The following ASCC3 variants were observed in gnomAD, a reference collection of about 807,000 sequenced individuals.
ASCC3 encodes the protein ASC-1 complex subunit P200.
In ASCC3, 158 loss-of-function variants were observed where a neutral mutation model predicts 256.3. The observed-to-expected ratio is 0.62, with a 90% CI of 0.54 to 0.70. ASCC3 has a LOEUF of 0.70. Ranked by LOEUF, ASCC3 falls within the 30% of genes least tolerant of loss-of-function variation. The pLI, the probability that ASCC3 is intolerant of heterozygous loss-of-function variation, is 0.00. For synonymous variants in ASCC3, 948 were observed against 883.4 expected, an observed-to-expected ratio of 1.07 and a Z score of -1.30; for missense variants, 2,259 against 2,626.0, an observed-to-expected ratio of 0.86 and a Z score of 3.05.
intron 4 of ASCC3, among the ~76,000 whole-genome samples, chr6:100,806,261 A>C (rs776373593): frequency 1.9e-4 from 29 of 151,964 alleles, no homozygotes; most frequent in Non-Finnish European, 3.5e-4. Context: ...TACAACTACT[A>C]TACAACAGTG....
intron 17 of ASCC3, among the ~76,000 whole-genome samples, chr6:100,653,133 T>C (rs1775751237): frequency 6.6e-6 from 1 of 152,156 alleles, no homozygotes; most frequent in Admixed American, 6.5e-5. Flanking sequence ...TACCAATATT[T>C]TGGAATCTAA....
chr6:100,625,272 G>A lies in ASCC3; in HGVS notation c.4705C>T (p.Arg1569Cys), dbSNP rs756345826. The A allele has an allele frequency of 3.7e-6, 6 of 1,612,808 alleles. No homozygotes were observed. Among genetic ancestry groups the A allele is most frequent in the African/African-American group, 1.3e-5 (1 of 74,824 alleles). Residue 1569 changes from arginine to cysteine, a missense_variant, in exon 30 of 42, where the codon CGT becomes TGT. Arg to Cys is a radical substitution (Grantham distance 180). Transcript: ENST00000369162. ...GCGATCAATTCCAAAGCAGTAAGACGAGTTTGACGTCTTGATGAGACAAAT... is the reference window on the plus strand; with the variant it reads ...GCGATCAATTCCAAAGCAGTAAGACAAGTTTGACGTCTTGATGAGACAAAT... The part of the protein sequence containing the change: ...LIFVSSRRQT[R>C]LTALELIAFL...
At chr6:100,529,909 C>T (rs527535673) in intron 37 of ASCC3, among the ~76,000 whole-genome samples, 25 of 151,584 alleles carry the variant, frequency 1.6e-4, no homozygotes, top group African/African-American at 5.3e-4. Context: ...GGGCCTGATA[C>T]GAAGAAAGCC....
intron 39 of ASCC3, 107 bp from the exon 40 acceptor site, chr6:100,513,025 G>T: frequency 1.0e-6 from 1 of 979,512 alleles, no homozygotes; most frequent in South Asian, 1.5e-5. Flanking sequence ...TTAATGTTGA[G>T]ATTAATTCTA....
At position 100,766,551 on chromosome 6, in the gene ASCC3, G is replaced by A; in HGVS notation, c.1737+14C>T. 2 of 1,613,618 alleles carry A rather than the reference G, an allele frequency of 1.2e-6. No individual in the cohort carries two copies. The highest frequency in any genetic ancestry group is 1.7e-6 in the Non-Finnish European group (2 of 1,179,680). ...AGAATGGTATTAAACAAAAAATCTA[G>A]GTAAACAACATACCTGAGTTCGTAA... On this transcript the variant is annotated intron_variant, in intron 10 of 41. Coordinates refer to ENST00000369162, the MANE Select transcript of ASCC3 (RefSeq NM_006828.4).
chr6:100,824,667 A>G (rs1232551632), intron 4 of ASCC3, among the ~76,000 whole-genome samples: 4 of 152,028 alleles, frequency 2.6e-5, no homozygotes, highest in Non-Finnish European at 5.9e-5. Flanking sequence ...TGATATATAA[A>G]CTAGAAGACA....
chr6:100,679,566 C>T (rs1187764840), intron 14 of ASCC3, 52 bp downstream of exon 14: 24 of 1,608,706 alleles, frequency 1.5e-5, no homozygotes, highest in Middle Eastern at 1.6e-4. Flanking sequence ...ATAAAATACC[C>T]GGGATATGTG....
At chr6:100,523,710 A>AT (rs1774419426) in intron 37 of ASCC3, among the ~76,000 whole-genome samples, 2 of 152,234 alleles carry the variant, frequency 1.3e-5, no homozygotes, top group Middle Eastern at 3.4e-3. Context: ...ATTCAACCAC[A>AT]TTTTTACAGT....
intron 3 of ASCC3, among the ~76,000 whole-genome samples, chr6:100,855,873 TAGAAG>T (rs1484039261): frequency 3.3e-5 from 5 of 152,170 alleles, no homozygotes; most frequent in African/African-American, 4.8e-5. Context: ...AACCATATTA[TAGAAG>T]AGAAAAGAGG....
intron 37 of ASCC3, among the ~76,000 whole-genome samples, chr6:100,525,156 C>CAAAAAAAAAAAAAAAAAAAAAAAAAAAA (rs57882047): frequency 6.2e-4 from 28 of 44,944 alleles, no homozygotes; most frequent in East Asian, 6.5e-4. Context: ...GACCCTGTCT[C>CAAAAAAAAAAAAAAAAAAAAAAAAAAAA]AAAAAAAAAA....
chr6:100,546,937 T>TC (rs1768998470), intron 36 of ASCC3, among the ~76,000 whole-genome samples: 2 of 151,632 alleles, frequency 1.3e-5, no homozygotes, highest in South Asian at 4.2e-4. Context: ...AAGAAGATAA[T>TC]TTTTTTTTGA....
intron 1 of ASCC3, among the ~76,000 whole-genome samples, chr6:100,875,691 T>A (rs1773966419): frequency 6.6e-6 from 1 of 151,314 alleles, no homozygotes; most frequent in Admixed American, 6.6e-5. Flanking sequence ...TCAGTTGTCA[T>A]ATGGAAAAGT....
chr6:100,600,559 C>G (rs1772554028), intron 34 of ASCC3, among the ~76,000 whole-genome samples: 1 of 152,234 alleles, frequency 6.6e-6, no homozygotes, highest in Non-Finnish European at 1.5e-5. Context: ...TCTCAAACTC[C>G]TATCTAAGTA....
At chr6:100,742,590 G>A (rs542714510) in intron 10 of ASCC3, among the ~76,000 whole-genome samples, 38 of 152,302 alleles carry the variant, frequency 2.5e-4, no homozygotes, top group African/African-American at 8.9e-4. Flanking sequence ...CCCACAGGGA[G>A]GTACTGCCCA....
chr6:100,672,123 T>C (rs1776782520), intron 14 of ASCC3, among the ~76,000 whole-genome samples: 1 of 152,070 alleles, frequency 6.6e-6, no homozygotes, highest in Non-Finnish European at 1.5e-5. Flanking sequence ...TCTAACACCA[T>C]GGGTCTAGAT....
rs536857362 is a variant in ASCC3 at position 100,533,280 on chromosome 6, T to C, written c.5775+6883A>G. On this transcript the variant is annotated intron_variant, in intron 37 of 41. Coordinates refer to ENST00000369162, the MANE Select transcript of ASCC3 (RefSeq NM_006828.4). ...AGCATTTATAATTACTGTGTAATTA[T>C]AAACAAAAATACATAAAGCTTTGAA... Among the ~76,000 whole-genome samples the C allele has an allele frequency of 2.6e-5, 4 of 152,302 alleles. No individual in the cohort carries two copies. In the South Asian group the frequency reaches 8.3e-4, roughly 32 times the overall value.
chr6:100,609,333 C>T (rs1465055521), intron 30 of ASCC3, among the ~76,000 whole-genome samples: 1 of 151,784 alleles, frequency 6.6e-6, no homozygotes, highest in African/African-American at 2.4e-5. Context: ...ATTATTCTAG[C>T]AATATAGGTT....
intron 8 of ASCC3, among the ~76,000 whole-genome samples, chr6:100,775,684 A>C (rs1388843976): frequency 6.6e-6 from 1 of 152,074 alleles, no homozygotes; most frequent in Non-Finnish European, 1.5e-5. Context: ...AAACCCTCCA[A>C]AACTTCCTAA....
Position 100,798,732 on chromosome 6 carries a change from T to C in ASCC3, c.1376A>G (p.Tyr459Cys). 6.2e-7 allele frequency: 1 copy of C among 1,612,868 alleles called. No homozygotes were observed. Among genetic ancestry groups the C allele is most frequent in the Non-Finnish European group, 8.5e-7 (1 of 1,179,398 alleles). ...MPLSFEEKPVYIQDLDEIGQL... is the reference protein window; with the variant it reads ...MPLSFEEKPVCIQDLDEIGQL... ...TCTCACCTCATCTAAGTCTTGGATA[T>C]AAACTGGCTTTTCCTCAAAGCTGAG... Residue 459 changes from tyrosine to cysteine, a missense_variant, in exon 8 of 42, where the codon TAT (tyrosine) becomes TGT (cysteine). Tyr to Cys is a radical substitution (Grantham distance 194). Transcript: ENST00000369162.
Sources: gnomAD v4.1 joint callset for allele counts (sites outside exome capture counted in the v4.1 genomes callset) on GRCh38, gnomAD v4.1.1 for gene constraint, MANE v1.5 for transcripts, NCBI Gene and HGNC (gene_info 2026-07-23, HGNC 2026-07-21) for gene names.